INPP4B: variants seen among roughly 807,000 people sequenced by gnomAD.
The protein encoded by INPP4B is inositol polyphosphate-4-phosphatase type II B, also known as inositol polyphosphate 4-phosphatase type II.
INPP4B carries 55 observed loss-of-function variants against 122.5 expected under a neutral mutation model. That is an observed-to-expected ratio of 0.45 (90% CI 0.36 to 0.56). The LOEUF (loss-of-function observed/expected upper bound fraction) is 0.56. Among genes scored for constraint, INPP4B ranks in the 20% least tolerant of loss-of-function variants. The pLI is 0.00. For missense variants in INPP4B, 1,000 were observed against 1,097.7 expected (o/e 0.91, Z 1.26); for synonymous variants, 403 against 388.7 (o/e 1.04, Z -0.43).
rs549226037 is a variant in INPP4B, at chr4:142,518,275, C to T, written c.-190-55549G>A. On this transcript the variant is annotated intron_variant, in intron 2 of 25. Coordinates refer to ENST00000262992, the MANE Select transcript of INPP4B (RefSeq NM_001101669.3). ...TCTTGATGTGTGACACCAGAGTTTT[C>T]CCAGTATAAAATGACAGTTCTATCC... is the stretch of plus-strand genomic sequence containing the variant. 4.7e-4 allele frequency among the ~76,000 whole-genome samples: 72 copies of T among 152,168 alleles called. 1 individual carries two copies. The South Asian group carries it at 4.8e-3, about 10-fold the overall frequency.
At chr4:142,402,424 C>A (rs1220356825) in intron 7 of INPP4B, among the ~76,000 whole-genome samples, 1 of 152,264 alleles carries the variant, frequency 6.6e-6, no homozygotes, top group Non-Finnish European at 1.5e-5. Context: ...TGGGATTTTG[C>A]CTGGCCTTCT....
chr4:142,642,967 T>C (rs1750867176), intron 2 of INPP4B, among the ~76,000 whole-genome samples: 1 of 152,232 alleles, frequency 6.6e-6, no homozygotes, highest in South Asian at 2.1e-4. Context: ...GTAGTTCTCC[T>C]TGAAGAGGTC....
intron 25 of INPP4B, among the ~76,000 whole-genome samples, chr4:142,061,001 G>T (rs1240581348): frequency 6.6e-6 from 1 of 152,172 alleles, no homozygotes; most frequent in East Asian, 1.9e-4. Context: ...GGAAGAGCAG[G>T]AGTTGGACCG....
At chr4:142,179,341 C>T (rs1430400983) in intron 15 of INPP4B, among the ~76,000 whole-genome samples, 3 of 151,724 alleles carry the variant, frequency 2.0e-5, no homozygotes, top group African/African-American at 7.3e-5. Context: ...GGTGTGGCAG[C>T]ATGCACCTGT....
chr4:142,762,490 TCTGG>T (rs1190449227), intron 1 of INPP4B, among the ~76,000 whole-genome samples: 1 of 152,152 alleles, frequency 6.6e-6, no homozygotes, highest in African/African-American at 2.4e-5. Context: ...TGACACTGCC[TCTGG>T]ATAAAGCTCG....
intron 15 of INPP4B, among the ~76,000 whole-genome samples, chr4:142,190,226 G>A (rs1188928778): frequency 1.3e-5 from 2 of 151,200 alleles, no homozygotes; most frequent in African/African-American, 4.9e-5. Context: ...TTTTTGGTGG[G>A]GGGCAATATC....
At chr4:142,683,031 T>A (rs13122722) in intron 2 of INPP4B, among the ~76,000 whole-genome samples, 4,994 of 152,002 alleles carry the variant, frequency 0.033, 97 homozygotes, top group Middle Eastern at 0.065. Context: ...ATTTCCTAGA[T>A]AAGCAAAGTT....
chr4:142,472,062 T>C (rs1337157475), intron 2 of INPP4B, among the ~76,000 whole-genome samples: 1 of 152,154 alleles, frequency 6.6e-6, no homozygotes, highest in Non-Finnish European at 1.5e-5. Context: ...AAGGAATTCC[T>C]TTTTCCTTTA....
At chr4:142,776,441 G>A (rs1773931140) in intron 1 of INPP4B, among the ~76,000 whole-genome samples, 2 of 152,090 alleles carry the variant, frequency 1.3e-5, no homozygotes, top group Admixed American at 6.6e-5. Context: ...GTTGAATATT[G>A]AGGATATAGT....
At chr4:142,119,983 GTT>G (rs1795862801) in intron 21 of INPP4B, among the ~76,000 whole-genome samples, 1 of 151,452 alleles carries the variant, frequency 6.6e-6, no homozygotes. Context: ...AAGTTTCACA[GTT>G]TTAGCTCTTA....
chr4:142,514,652 C>T (rs1825176563), intron 2 of INPP4B: 1 of 151,954 alleles, frequency 6.6e-6, no homozygotes, highest in Non-Finnish European at 1.5e-5. Flanking sequence ...TTTCTTATCA[C>T]AATAATAATA....
chr4:142,542,234 T>C (rs1387282918), intron 2 of INPP4B, among the ~76,000 whole-genome samples: 2 of 152,204 alleles, frequency 1.3e-5, no homozygotes, highest in Non-Finnish European at 2.9e-5. Flanking sequence ...TACTTACAAA[T>C]ATTATTCTTA....
intron 1 of INPP4B, among the ~76,000 whole-genome samples, chr4:142,803,184 AAAG>A (rs1319294125): frequency 1.4e-5 from 2 of 145,626 alleles, no homozygotes; most frequent in African/African-American, 5.1e-5. Context: ...AAAAAAAAAA[AAAG>A]AAAGAAAGAA....
At chr4:142,628,672 T>C (rs879285832) in intron 2 of INPP4B, among the ~76,000 whole-genome samples, 1 of 152,030 alleles carries the variant, frequency 6.6e-6, no homozygotes, top group Non-Finnish European at 1.5e-5. Context: ...TTTCTTTGAT[T>C]CATCCTTTTT....
At chr4:142,825,171 C>T (rs1182870328) in intron 1 of INPP4B, among the ~76,000 whole-genome samples, 3 of 152,088 alleles carry the variant, frequency 2.0e-5, no homozygotes, top group Non-Finnish European at 2.9e-5. Context: ...TTCGCTTTGA[C>T]TTCTTTTGCC....
At chr4:142,435,669 A>AGAGCCATACGGGGAGGG (rs1810310379) in intron 3 of INPP4B, among the ~76,000 whole-genome samples, 1 of 152,220 alleles carries the variant, frequency 6.6e-6, no homozygotes, top group South Asian at 2.1e-4. Flanking sequence ...TGCCCACCTG[A>AGAGCCATACGGGGAGGG]GAGCCATACG....
intron 2 of INPP4B, among the ~76,000 whole-genome samples, chr4:142,579,730 A>AG (rs1467067060): frequency 6.6e-6 from 1 of 151,606 alleles, no homozygotes; most frequent in East Asian, 2.0e-4. Flanking sequence ...CAGCCTTCAG[A>AG]CTAGAATTAA....
intron 2 of INPP4B, among the ~76,000 whole-genome samples, chr4:142,718,310 G>C (rs1489539233): frequency 6.6e-6 from 1 of 152,198 alleles, no homozygotes; most frequent in Non-Finnish European, 1.5e-5. Context: ...ATGGAAGTTA[G>C]CTTTTTAAGT....
intron 7 of INPP4B, among the ~76,000 whole-genome samples, chr4:142,341,261 CA>C (rs1561890089): frequency 6.6e-6 from 1 of 152,030 alleles, no homozygotes; most frequent in Non-Finnish European, 1.5e-5. Flanking sequence ...CATGATGCAA[CA>C]TGCACATATT....
Sources: gnomAD v4.1 joint callset for allele counts (sites outside exome capture counted in the v4.1 genomes callset) on GRCh38, gnomAD v4.1.1 for gene constraint, MANE v1.5 for transcripts, NCBI Gene and HGNC (gene_info 2026-07-23, HGNC 2026-07-21) for gene names.